Variants in CUL9 observed in about 807,000 individuals in gnomAD.
CUL9 encodes cullin-9.
Under a neutral mutation model 272.6 loss-of-function variants are expected in CUL9, and 79 were observed. The ratio of observed to expected loss-of-function variants is 0.29; its 90% CI spans 0.24 to 0.35. The LOEUF (loss-of-function observed/expected upper bound fraction) is 0.35, where lower values mean the gene tolerates loss of function less well. Ranked by LOEUF, CUL9 falls within the 10% of genes least tolerant of loss-of-function variation. The pLI is 1.00. For synonymous variants in CUL9, 1,186 were observed against 1,286.5 expected, an observed-to-expected ratio of 0.92 and a Z score of 1.67; for missense variants, 2,532 against 3,255.6, an observed-to-expected ratio of 0.78 and a Z score of 5.41.
At chr6:43,196,469 GACTT>G in intron 10 of CUL9, 172 bp from the exon 11 acceptor site, 2 of 779,296 alleles carry the variant, frequency 2.6e-6, no homozygotes, top group Non-Finnish European at 4.2e-6. Context: ...GAGACACACT[GACTT>G]CCCTTTATGG....
chr6:43,191,105 T>G (rs1356553050), intron 8 of CUL9, among the ~76,000 whole-genome samples: 1 of 152,170 alleles, frequency 6.6e-6, no homozygotes, highest in Non-Finnish European at 1.5e-5. Context: ...TATAAAAATA[T>G]TTTCCTATAT....
At position 43,206,624 on chromosome 6, in the gene CUL9, A is replaced by G. The variant is rs1775066872; in HGVS notation, c.5212+114A>G. On this transcript the variant is annotated intron_variant, in intron 26 of 40. Transcript: ENST00000252050. This position sits in a 1 kb window ranked among gnomAD's most constrained non-coding sequence, Gnocchi z 4.8. The stretch of plus-strand genomic sequence containing the variant: ...GATGTGAAGAAAAATATCAGCTCCT[A>G]GCGAGGGATGAGAAAGCATGGGTTG... The G allele has an allele frequency of 1.1e-6, 1 of 882,382 alleles. No individual in the cohort carries two copies. Among genetic ancestry groups the G allele is most frequent in the African/African-American group, 1.7e-5 (1 of 59,486 alleles). 54.7% of individuals were successfully genotyped at this position (882,382 alleles called of 1,614,324 possible).
intron 1 of CUL9, among the ~76,000 whole-genome samples, chr6:43,182,579 A>C (rs1772493294): frequency 1.3e-5 from 2 of 149,936 alleles, no homozygotes; most frequent in African/African-American, 4.9e-5. Context: ...TACACCTCCT[A>C]CCTCCTCCTA....
Position 43,221,506 on chromosome 6 carries a change from A to T in CUL9, c.6753-179A>T. The T allele has an allele frequency of 1.1e-6, 1 of 883,362 alleles. No individual in the cohort carries two copies. The highest frequency in any genetic ancestry group is 1.7e-6 in the Non-Finnish European group (1 of 586,596). The allele number at this position is 883,362 out of a possible 1,614,324, so 54.7% of individuals were successfully genotyped here. ...TGTTCCTTCTCCCACTCGTAAGTCCACACTGACTGGGGGAGTTCAAAAGCA... is the reference window on the plus strand; with the variant it reads ...TGTTCCTTCTCCCACTCGTAAGTCCTCACTGACTGGGGGAGTTCAAAAGCA... On this transcript the variant is annotated intron_variant, in intron 34 of 40. Transcript: ENST00000252050. This position sits in a 1 kb window ranked among gnomAD's most constrained non-coding sequence, Gnocchi z 4.2.
rs144196153 is a variant in CUL9, at chr6:43,198,784, G to T, written c.2979G>T (p.Gln993His). The change falls in exon 12 of 41, where the codon CAG becomes CAT. Residue 993 changes from glutamine (Q) to histidine (H), a missense_variant. Gln to His is a conservative substitution (Grantham distance 24, BLOSUM62 0). This residue lies in a region of CUL9 where 2,218 missense variants were observed against 2,788.6 expected (regional missense o/e 0.80). Coordinates refer to ENST00000252050, the MANE Select transcript of CUL9 (RefSeq NM_015089.4). ...TCAAGCGCCTCCAGCAGGAGACCCA[G>T]CCTTTCCTCCTGTTGCTGCGGACTC... Reference protein sequence around the residue: ...PLLKRLQQETQPFLLLLRTLD... With the variant: ...PLLKRLQQETHPFLLLLRTLD... The T allele has an allele frequency of 6.2e-7, 1 of 1,613,992 alleles. No individual in the cohort carries two copies. Among genetic ancestry groups the T allele is most frequent in the East Asian group, 2.2e-5 (1 of 44,882 alleles).
chr6:43,221,390 G>C lies in CUL9; in HGVS notation c.6752+69G>C. 1 of 1,027,010 alleles carries C rather than the reference G, an allele frequency of 9.7e-7. No homozygotes were observed. The allele number at this position is 1,027,010 out of a possible 1,614,324, so 63.6% of individuals were successfully genotyped here. ...GGAGGAGGCCTGGCAGAAGGAGGGG[G>C]GAACGGGCTTAGTGTAAAGCTCAGC... On this transcript the variant is annotated intron_variant, in intron 34 of 40. Transcript: ENST00000252050. The surrounding 1 kb of genome is among the most constrained non-coding windows in gnomAD (Gnocchi z 4.2).
chr6:43,184,835 A>G lies in CUL9; in HGVS notation c.525A>G (p.Leu175=), dbSNP rs9472022. The change falls in exon 2 of 41, where the codon TTA becomes TTG. Residue 175 remains leucine, a synonymous_variant. Coordinates refer to ENST00000252050, the MANE Select transcript of CUL9 (RefSeq NM_015089.4). The surrounding 1 kb of genome is among the most constrained non-coding windows in gnomAD (Gnocchi z 4.8). ...CCCTGGACCTGCTCATGCACATGTT[A>G]TGCAATCCTGAGCCTCAGATCCGCC... ...TGALDLLMHM[L]CNPEPQIRRS... The G allele has an allele frequency of 0.19, 305,650 of 1,611,420 alleles. 37,005 individuals are homozygous for G. The highest frequency in any genetic ancestry group is 0.57 in the African/African-American group (42,961 of 74,916).
chr6:43,196,583 T>C lies in CUL9; in HGVS notation c.2586-62T>C, dbSNP rs765545228. 2.9e-5 allele frequency: 41 copies of C among 1,436,418 alleles called. No homozygotes were observed. In the African/African-American group the frequency reaches 5.5e-4, roughly 19 times the overall value. 89.0% of individuals were successfully genotyped at this position (1,436,418 alleles called of 1,614,324 possible). ...TAGCTGCCCGGCCTTCTATGCTTGCTTTGCTGCTTCCATTGCATTCATGGT... is the reference window on the plus strand; with the variant it reads ...TAGCTGCCCGGCCTTCTATGCTTGCCTTGCTGCTTCCATTGCATTCATGGT... On this transcript the variant is annotated intron_variant, in intron 10 of 40. Coordinates refer to ENST00000252050, the MANE Select transcript of CUL9 (RefSeq NM_015089.4).
In CUL9 at chr6:43,220,787, C is replaced by T. The variant is rs371964646; in HGVS notation, c.6464C>T (p.Ser2155Phe). ...CTGCGTGGCTATGTGGAGAGCTGCT[C>T]CAACCTGACCTGGTGCACCAACCCC... ...ALLRGYVESC[S>F]NLTWCTNPQG... The change falls in exon 33 of 41, where the codon TCC (serine) becomes TTC (phenylalanine). Residue 2155 changes from serine (S) to phenylalanine (F), a missense_variant. Physicochemically the swap from Ser to Phe is radical, Grantham distance 155. Transcript: ENST00000252050. The surrounding 1 kb of genome is among the most constrained non-coding windows in gnomAD (Gnocchi z 4.9). 18 of 1,613,262 alleles carry T rather than the reference C, an allele frequency of 1.1e-5. 1 individual carries two copies. Among genetic ancestry groups the T allele is most frequent in the Non-Finnish European group, 1.5e-5 (18 of 1,179,992 alleles).
intron 6 of CUL9, 95 bp from the exon 7 acceptor site, chr6:43,187,618 T>C: frequency 7.0e-7 from 1 of 1,419,596 alleles, no homozygotes; most frequent in Middle Eastern, 2.6e-4. Context: ...GTAGAAGGTG[T>C]GGGGGCATGG....
Position 43,204,838 on chromosome 6 carries a change from T to G in CUL9, c.4430T>G (p.Leu1477Arg). 6.2e-7 allele frequency: 1 copy of G among 1,614,234 alleles called. No homozygotes were observed. Among genetic ancestry groups the G allele is most frequent in the Non-Finnish European group, 8.5e-7 (1 of 1,180,038 alleles). Residue 1477 changes from leucine to arginine, a missense_variant, in exon 22 of 41, where the codon CTG (leucine) becomes CGG (arginine). This residue lies in a region of CUL9 where 2,218 missense variants were observed against 2,788.6 expected (regional missense o/e 0.80). Coordinates refer to ENST00000252050, the MANE Select transcript of CUL9 (RefSeq NM_015089.4). Reference protein sequence around the residue: ...SSLRNITQCWLSVVQEQVSRF... With the variant: ...SSLRNITQCWRSVVQEQVSRF... ...CTGAGGAACATAACCCAGTGCTGGCTGAGCGTGGTGCAGGAGCAGGTGGGC... is the reference window on the plus strand; with the variant it reads ...CTGAGGAACATAACCCAGTGCTGGCGGAGCGTGGTGCAGGAGCAGGTGGGC...
rs774636547 is a variant in CUL9 at position 43,224,050 on chromosome 6, C to A, written c.7285-45C>A. 1 of 1,590,074 alleles carries A rather than the reference C, an allele frequency of 6.3e-7. No individual in the cohort carries two copies. ...GGAAGGAATGCTGGGTCCAAAGGCC[C>A]CATGCCCTCTACCTCCTTCTCAAAT... On this transcript the variant is annotated intron_variant, in intron 39 of 40. Transcript: ENST00000252050. This position sits in a 1 kb window ranked among gnomAD's most constrained non-coding sequence, Gnocchi z 4.2.
At chr6:43,195,131 G>C (rs763156426) in intron 9 of CUL9, among the ~76,000 whole-genome samples, 1 of 152,194 alleles carries the variant, frequency 6.6e-6, no homozygotes, top group Admixed American at 6.5e-5. Flanking sequence ...CTAACTAGGG[G>C]AGGGTGGTGT....
chr6:43,187,111 GA>G lies in CUL9; in HGVS notation c.1387+17del. ...TTGGGCACAGGTGAGCCTAAGAGGG[GA>G]CATGGATAGCATGTCTCTGAACAGA... On this transcript the variant is annotated intron_variant, in intron 5 of 40. Transcript: ENST00000252050. The G allele has an allele frequency of 1.9e-6, 3 of 1,613,460 alleles. No homozygotes were observed. The highest frequency in any genetic ancestry group is 2.5e-6 in the Non-Finnish European group (3 of 1,179,650).
intron 36 of CUL9, 37 bp downstream of exon 36, chr6:43,222,427 A>G: frequency 6.5e-7 from 1 of 1,545,418 alleles, no homozygotes; most frequent in Non-Finnish European, 8.9e-7. Flanking sequence ...ATGCCTGCAG[A>G]AGCAGGTTGG....
chr6:43,220,453 TC>T lies in CUL9; in HGVS notation c.6283-3del, dbSNP rs749792470. The T allele has an allele frequency of 1.9e-6, 3 of 1,613,866 alleles. No homozygotes were observed. The highest frequency in any genetic ancestry group is 2.5e-6 in the Non-Finnish European group (3 of 1,179,954). On this transcript the variant is annotated splice_polypyrimidine_tract_variant and splice_region_variant and intron_variant, in intron 31 of 40. Transcript: ENST00000252050. The surrounding 1 kb of genome is among the most constrained non-coding windows in gnomAD (Gnocchi z 4.9). ...TGTGAGCAGCCCCTCCTTTTGTCCC[TC>T]CCAGTCTTGCTGGAATGAGTACCTG... is the stretch of plus-strand genomic sequence containing the variant.
Position 43,220,928 on chromosome 6 carries a change from G to A in CUL9, c.6588+17G>A. 6.3e-7 allele frequency: 1 copy of A among 1,595,794 alleles called. No homozygotes were observed. Among genetic ancestry groups the A allele is most frequent in the Non-Finnish European group, 8.5e-7 (1 of 1,170,168 alleles). On this transcript the variant is annotated intron_variant, in intron 33 of 40. Coordinates refer to ENST00000252050, the MANE Select transcript of CUL9 (RefSeq NM_015089.4). This position sits in a 1 kb window ranked among gnomAD's most constrained non-coding sequence, Gnocchi z 4.9. ...TTCCCTGAGGTGGGAGCCCCACACT[G>A]GCCCTGACCCTGAGCAAGGATTCAC...
At chr6:43,211,634 AG>A (rs1351446592) in intron 26 of CUL9, among the ~76,000 whole-genome samples, 2 of 152,160 alleles carry the variant, frequency 1.3e-5, no homozygotes, top group African/African-American at 4.8e-5. Flanking sequence ...TTGTCTGAGA[AG>A]GGTTATTTTC....
In CUL9 at chr6:43,206,550, A is replaced by G. The variant is rs764474539; in HGVS notation, c.5212+40A>G. On this transcript the variant is annotated intron_variant, in intron 26 of 40. Transcript: ENST00000252050. This position sits in a 1 kb window ranked among gnomAD's most constrained non-coding sequence, Gnocchi z 4.8. ...AGAGGAAATTGGAGATCGGGGTGAGATTCGGGGTGGCAAGAGAGGAAGAGG... is the reference window on the plus strand; with the variant it reads ...AGAGGAAATTGGAGATCGGGGTGAGGTTCGGGGTGGCAAGAGAGGAAGAGG... The G allele has an allele frequency of 2.3e-5, 37 of 1,597,228 alleles. No homozygotes were observed. The highest frequency in any genetic ancestry group is 1.6e-5 in the Non-Finnish European group (19 of 1,164,956).
Sources: allele counts gnomAD v4.1 joint callset (sites outside exome capture counted in the v4.1 genomes callset), GRCh38; gene constraint gnomAD v4.1.1; regional missense constraint gnomAD v4.1.1; non-coding constraint Gnocchi (gnomAD v3.1); transcripts MANE v1.5; gene names NCBI Gene and HGNC (gene_info 2026-07-23, HGNC 2026-07-21).